The following RBM19 variants were observed in gnomAD, a reference collection of about 807,000 sequenced individuals.
RBM19 encodes the protein RNA binding motif protein 19.
Under a neutral mutation model 116.8 loss-of-function variants are expected in RBM19, and 94 were observed. The observed-to-expected ratio is 0.80, with a 90% CI of 0.68 to 0.95. The LOEUF is 0.95. RBM19 is among the 40% of genes least tolerant of loss of function. RBM19 has a pLI of 0.00. For missense variants in RBM19, 1,161 were observed against 1,220.7 expected (o/e 0.95, Z 0.73); for synonymous variants, 475 against 494.1 (o/e 0.96, Z 0.51).
At chr12:113,941,087 C>G (rs1375059992) in intron 14 of RBM19, among the ~76,000 whole-genome samples, 1 of 152,212 alleles carries the variant, frequency 6.6e-6, no homozygotes, top group Non-Finnish European at 1.5e-5. Flanking sequence ...CTTAGCTCAG[C>G]CGCTAATGTA....
intron 21 of RBM19, among the ~76,000 whole-genome samples, chr12:113,907,588 C>T (rs982908454): frequency 6.6e-6 from 1 of 152,186 alleles, no homozygotes; most frequent in Non-Finnish European, 1.5e-5. Context: ...CGCGGCCAGC[C>T]CTCCGAGGGG....
Position 113,966,276 on chromosome 12 carries a change from T to C in RBM19, c.-49A>G. The C allele has an allele frequency of 6.2e-7, 1 of 1,609,424 alleles. No homozygotes were observed. The highest frequency in any genetic ancestry group is 8.5e-7 in the Non-Finnish European group (1 of 1,178,588). On this transcript the variant is annotated 5_prime_UTR_variant, in exon 1 of 24. Coordinates refer to ENST00000261741, the MANE Select transcript of RBM19 (RefSeq NM_016196.4). Reference sequence around the variant, plus strand: ...ATTCCAACACGACTGGTCAGCGTCTTCCACCAAGTTTCACGCTACCGCCCT... The same window carrying C: ...ATTCCAACACGACTGGTCAGCGTCTCCCACCAAGTTTCACGCTACCGCCCT...
intron 21 of RBM19, among the ~76,000 whole-genome samples, chr12:113,914,693 G>A (rs562287698): frequency 3.9e-5 from 6 of 152,336 alleles, no homozygotes; most frequent in South Asian, 2.1e-4. Context: ...CCTCTTGCAC[G>A]TTGTGGATGG....
At chr12:113,818,049 T>G (rs1416797872), downstream of RBM19, 1 of 151,636 alleles carries the variant, frequency 6.6e-6, no homozygotes, top group Non-Finnish European at 1.5e-5. Flanking sequence ...GTCTACATGG[T>G]GAAACCCAGT....
At chr12:113,936,920 T>C (rs1870122071) in intron 16 of RBM19, 87 bp downstream of exon 16, 2 of 1,516,160 alleles carry the variant, frequency 1.3e-6, no homozygotes, top group Non-Finnish European at 1.8e-6. Context: ...AACCAGAGGC[T>C]TGATAAGAAA....
chr12:113,962,696 A>G (rs1006680330), intron 1 of RBM19, among the ~76,000 whole-genome samples: 13 of 152,272 alleles, frequency 8.5e-5, no homozygotes, highest in Admixed American at 5.2e-4. Flanking sequence ...GGATAAGACC[A>G]ATTACAGAAG....
rs149865015 is a variant in RBM19 at position 113,920,276 on chromosome 12, C to T, written c.2385+335G>A. On this transcript the variant is annotated intron_variant, in intron 19 of 23. Coordinates refer to ENST00000261741, the MANE Select transcript of RBM19 (RefSeq NM_016196.4). ...GCAGCTTTGTCTTCATGACCTGGTC[C>T]TGCATGTTTATTCAGAGGTCCATGG... Among the ~76,000 whole-genome samples, 514 of 152,312 alleles carry T rather than the reference C, an allele frequency of 3.4e-3. 4 individuals are homozygous for T. Among genetic ancestry groups the T allele is most frequent in the Non-Finnish European group, 6.0e-3 (405 of 68,042 alleles).
intron 21 of RBM19, among the ~76,000 whole-genome samples, chr12:113,906,913 G>A (rs565196382): frequency 2.3e-4 from 35 of 152,164 alleles, no homozygotes; most frequent in African/African-American, 8.4e-4. Flanking sequence ...TGTCCTTATC[G>A]GGAGAAGGCA....
At chr12:113,935,929 G>A (rs1299431182) in intron 16 of RBM19, among the ~76,000 whole-genome samples, 5 of 152,074 alleles carry the variant, frequency 3.3e-5, no homozygotes, top group South Asian at 2.1e-4. Context: ...CCAGCTACTC[G>A]GGAGGCTGAG....
chr12:113,953,344 T>C lies in RBM19; in HGVS notation c.922-754A>G, dbSNP rs552934364. Reference sequence around the variant, plus strand: ...CTCTACTAAAAATACAAAAATTAGCTGGACATGGTGACAGGTGCCTGTAAT... The same window carrying C: ...CTCTACTAAAAATACAAAAATTAGCCGGACATGGTGACAGGTGCCTGTAAT... On this transcript the variant is annotated intron_variant, in intron 7 of 23. Transcript: ENST00000261741. Among the ~76,000 whole-genome samples, 7 of 152,168 alleles carry C rather than the reference T, an allele frequency of 4.6e-5. No homozygotes were observed. The South Asian group carries it at 6.2e-4, about 14-fold the overall frequency.
intron 22 of RBM19, among the ~76,000 whole-genome samples, chr12:113,851,566 T>C (rs372710555): frequency 1.3e-5 from 2 of 152,158 alleles, no homozygotes; most frequent in South Asian, 2.1e-4. Flanking sequence ...CTGCTTTCAA[T>C]AAACTTCTCT....
rs371268908 is a variant in RBM19, at chr12:113,960,933, G to A, written c.220-755C>T. Among the ~76,000 whole-genome samples, 35 of 152,232 alleles carry A rather than the reference G, an allele frequency of 2.3e-4. 2 individuals are homozygous for A. The East Asian group carries it at 4.2e-3, about 18-fold the overall frequency. On this transcript the variant is annotated intron_variant, in intron 2 of 23. Coordinates refer to ENST00000261741, the MANE Select transcript of RBM19 (RefSeq NM_016196.4). ...AGGACTTTGAGAGCGCTGGTTACTG[G>A]GGCATCCACCACCGCAAGCCACTCC...
chr12:113,944,091 A>ATTTTTTTTTTTTTTTT (rs1244100851), intron 13 of RBM19, among the ~76,000 whole-genome samples: 1 of 78,464 alleles, frequency 1.3e-5, no homozygotes, highest in African/African-American at 6.1e-5. Flanking sequence ...CTCCAGATGC[A>ATTTTTTTTTTTTTTTT]TGTTTTTTTT....
At chr12:113,944,854 T>C (rs1870886143) in intron 13 of RBM19, among the ~76,000 whole-genome samples, 1 of 119,464 alleles carries the variant, frequency 8.4e-6, no homozygotes, top group African/African-American at 3.3e-5. Flanking sequence ...TATATATATG[T>C]ATATATAAAA....
rs552615091 is a variant in RBM19, at chr12:113,870,642, GTTGCAGGGTT to G, written c.2559-11756_2559-11747del. 1.2e-3 allele frequency among the ~76,000 whole-genome samples: 180 copies of G among 152,292 alleles called. 1 individual carries two copies. The highest frequency in any genetic ancestry group is 3.6e-3 in the African/African-American group (150 of 41,554). On this transcript the variant is annotated intron_variant, in intron 21 of 23. Transcript: ENST00000261741. Reference sequence around the variant, plus strand: ...AAATACAGGGAGAATGTCCACTGAGGTTGCAGGGTTTTGCAGGGTTTTGCAGGGATCAAGG... The same window carrying G: ...AAATACAGGGAGAATGTCCACTGAGGTTGCAGGGTTTTGCAGGGATCAAGG...
Position 113,886,220 on chromosome 12 carries a change from C to T in RBM19, c.2559-27324G>A, listed in dbSNP as rs114472490. On this transcript the variant is annotated intron_variant, in intron 21 of 23. Coordinates refer to ENST00000261741, the MANE Select transcript of RBM19 (RefSeq NM_016196.4). Reference sequence around the variant, plus strand: ...TAACCACAGCTCACTGCAACCTCTGCCTCATAGGCTCAAGTGATTCTCCCA... The same window carrying T: ...TAACCACAGCTCACTGCAACCTCTGTCTCATAGGCTCAAGTGATTCTCCCA... 4.6e-3 allele frequency among the ~76,000 whole-genome samples: 703 copies of T among 152,270 alleles called. 9 individuals carry two copies. Among genetic ancestry groups the T allele is most frequent in the African/African-American group, 0.016 (664 of 41,546 alleles).
intron 21 of RBM19, among the ~76,000 whole-genome samples, chr12:113,909,434 C>A (rs111616270): frequency 6.6e-6 from 1 of 152,110 alleles, no homozygotes; most frequent in African/African-American, 2.4e-5. Context: ...GCCATGCGGG[C>A]GATTTTCTCT....
At chr12:113,881,807 A>T (rs1260541338) in intron 21 of RBM19, among the ~76,000 whole-genome samples, 1 of 152,220 alleles carries the variant, frequency 6.6e-6, no homozygotes, top group Non-Finnish European at 1.5e-5. Context: ...TGAAAACCAC[A>T]TGTTGCTTCC....
intron 21 of RBM19, among the ~76,000 whole-genome samples, chr12:113,912,339 C>A (rs1179601890): frequency 2.6e-5 from 4 of 152,238 alleles, no homozygotes; most frequent in African/African-American, 4.8e-5. Context: ...GAAATGGCTA[C>A]ATGCCTCGTG....
Sources: gnomAD v4.1 joint callset for allele counts (sites outside exome capture counted in the v4.1 genomes callset) on GRCh38, gnomAD v4.1.1 for gene constraint, MANE v1.5 for transcripts, NCBI Gene and HGNC (gene_info 2026-07-23, HGNC 2026-07-21) for gene names.